The following ANGPT4 variants were observed in gnomAD, a reference collection of about 807,000 sequenced individuals.
ANGPT4 encodes the protein angiopoietin 4.
ANGPT4 carries 50 observed loss-of-function variants against 53.0 expected under a neutral mutation model. That is an observed-to-expected ratio of 0.94 (90% CI 0.75 to 1.20). The LOEUF (loss-of-function observed/expected upper bound fraction) is 1.20, where lower values mean the gene tolerates loss of function less well. Among genes scored for constraint, ANGPT4 ranks in the 50% most tolerant of loss-of-function variants. The pLI is 0.00. For missense variants in ANGPT4, 648 were observed against 637.1 expected, an observed-to-expected ratio of 1.02 and a Z score of -0.18; for synonymous variants, 251 against 259.7, an observed-to-expected ratio of 0.97 and a Z score of 0.32.
Position 873,063 on chromosome 20 carries a change from G to T in ANGPT4, c.1409C>A (p.Pro470His). The T allele has an allele frequency of 6.2e-7, 1 of 1,614,074 alleles. No individual in the cohort carries two copies. The stretch of plus-strand genomic sequence containing the variant: ...GCCGTCCATCTTGTACTTGTTGTCG[G>T]GAGCGTGGTAGTAGACGCCGTTGAG... The part of the protein sequence containing the change: ...SNLNGVYYHA[P>H]DNKYKMDGIR... Residue 470 changes from proline to histidine, a missense_variant, in exon 9 of 9, where the codon CCC becomes CAC. Coordinates refer to ENST00000381922, the MANE Select transcript of ANGPT4 (RefSeq NM_015985.4).
intron 3 of ANGPT4, among the ~76,000 whole-genome samples, chr20:885,783 T>A (rs1981596473): frequency 6.6e-6 from 1 of 152,156 alleles, no homozygotes; most frequent in Non-Finnish European, 1.5e-5. Context: ...TGTTCCGCAG[T>A]CATGAAGGAG....
At chr20:878,781 T>G (rs1203478857) in intron 6 of ANGPT4, among the ~76,000 whole-genome samples, 3 of 152,146 alleles carry the variant, frequency 2.0e-5, no homozygotes, top group Non-Finnish European at 4.4e-5. Flanking sequence ...TCAACAAAAA[T>G]TAAATAAAAT....
intron 1 of ANGPT4, among the ~76,000 whole-genome samples, chr20:892,884 C>A (rs1282424728): frequency 6.6e-6 from 1 of 152,332 alleles, no homozygotes; most frequent in South Asian, 2.1e-4. Flanking sequence ...CTTGACACTG[C>A]CCTCAAGGGA....
chr20:874,543 C>T, intron 7 of ANGPT4, 129 bp from the exon 8 acceptor site: 2 of 1,308,196 alleles, frequency 1.5e-6, no homozygotes, highest in Non-Finnish European at 2.1e-6. Context: ...GGAGGGACAG[C>T]CCCAGCCTGG....
intron 7 of ANGPT4, 145 bp downstream of exon 7, chr20:878,016 A>C: frequency 1.1e-6 from 1 of 898,416 alleles, no homozygotes; most frequent in Middle Eastern, 3.8e-4. Context: ...CATGACGTGC[A>C]CCCAAATGGG....
chr20:891,713 C>T (rs1353859172), intron 1 of ANGPT4, among the ~76,000 whole-genome samples: 1 of 152,226 alleles, frequency 6.6e-6, no homozygotes, highest in African/African-American at 2.4e-5. Flanking sequence ...CCTCCTTCAT[C>T]TCTTCTCCCT....
chr20:890,258 G>C lies in ANGPT4; in HGVS notation c.420C>G (p.Asn140Lys), dbSNP rs1260531356. 2.5e-6 allele frequency: 4 copies of C among 1,614,024 alleles called. No homozygotes were observed. The highest frequency in any genetic ancestry group is 3.4e-6 in the Non-Finnish European group (4 of 1,180,000). ...GCTTGCGGATCTGGGCAGTGGTCTG[G>C]TTCAGGAGGCTGGTGCCCAGCTCTA... ...PMLELGTSLL[N>K]QTTAQIRKLT... Residue 140 changes from asparagine to lysine, a missense_variant, in exon 2 of 9, where the codon AAC (asparagine) becomes AAG (lysine). Coordinates refer to ENST00000381922, the MANE Select transcript of ANGPT4 (RefSeq NM_015985.4).
At chr20:877,971 G>C (rs976744715) in intron 7 of ANGPT4, among the ~76,000 whole-genome samples, 190 bp downstream of exon 7, 1 of 152,240 alleles carries the variant, frequency 6.6e-6, no homozygotes, top group African/African-American at 2.4e-5. Flanking sequence ...CAGTGGCTAG[G>C]ACATGCTGAG....
chr20:879,351 T>C (rs6055519), intron 6 of ANGPT4, among the ~76,000 whole-genome samples: 21 of 152,286 alleles, frequency 1.4e-4, no homozygotes, highest in African/African-American at 4.8e-4. Flanking sequence ...GGCCTGCAAT[T>C]CCTCGTTAAT....
Position 880,972 on chromosome 20 carries a change from G to A in ANGPT4, c.951+199C>T, listed in dbSNP as rs1485680444. On this transcript the variant is annotated intron_variant, in intron 5 of 8. Coordinates refer to ENST00000381922, the MANE Select transcript of ANGPT4 (RefSeq NM_015985.4). ...GCACCTCTGAAGTGATGCTGGTTAA[G>A]GATGCACTTCCAACTTTGGGAACTT... 2.6e-5 allele frequency among the ~76,000 whole-genome samples: 4 copies of A among 152,256 alleles called. No individual in the cohort carries two copies. The East Asian group carries it at 7.7e-4, about 29-fold the overall frequency.
intron 1 of ANGPT4, among the ~76,000 whole-genome samples, chr20:899,808 A>T (rs573646507): frequency 6.6e-6 from 1 of 152,260 alleles, no homozygotes; most frequent in East Asian, 1.9e-4. Context: ...TGCATCCTTC[A>T]TCCCAGCCTC....
Position 899,525 on chromosome 20 carries a change from T to C in ANGPT4, c.310-9157A>G, listed in dbSNP as rs373042639. Among the ~76,000 whole-genome samples, 8 of 152,188 alleles carry C rather than the reference T, an allele frequency of 5.3e-5. No individual in the cohort carries two copies. In the East Asian group the frequency reaches 9.7e-4, roughly 18 times the overall value. On this transcript the variant is annotated intron_variant, in intron 1 of 8. Coordinates refer to ENST00000381922, the MANE Select transcript of ANGPT4 (RefSeq NM_015985.4). Reference sequence around the variant, plus strand: ...GCCTCGGCCTCCCAAAGTGCTGGGATTACAGGCATGAACCACCGCCCCCGG... The same window carrying C: ...GCCTCGGCCTCCCAAAGTGCTGGGACTACAGGCATGAACCACCGCCCCCGG...
intron 7 of ANGPT4, among the ~76,000 whole-genome samples, chr20:877,296 T>C (rs1206328697): frequency 6.6e-6 from 1 of 152,136 alleles, no homozygotes; most frequent in Non-Finnish European, 1.5e-5. Context: ...ACACGTGAGA[T>C]TTTTTGCAGC....
At position 915,995 on chromosome 20, in the gene ANGPT4, C is replaced by A. The variant is rs760234079; in HGVS notation, c.220G>T (p.Ala74Ser). The A allele has an allele frequency of 4.3e-6, 7 of 1,613,482 alleles. No homozygotes were observed. In the South Asian group the frequency reaches 6.6e-5, roughly 15 times the overall value. The change falls in exon 1 of 9, where the codon GCC (alanine) becomes TCC (serine). Residue 74 changes from alanine (A) to serine (S), a missense_variant. Transcript: ENST00000381922. Reference protein sequence around the residue: ...DSNTLQRESLANPLHLGKLPT... With the variant: ...DSNTLQRESLSNPLHLGKLPT... Reference sequence around the variant, plus strand: ...AACTTCCCCAGGTGCAGTGGGTTGGCCAGTGATTCTCTCTGGAGGGTGTTG... The same window carrying A: ...AACTTCCCCAGGTGCAGTGGGTTGGACAGTGATTCTCTCTGGAGGGTGTTG...
At chr20:899,548 C>T (rs192275579) in intron 1 of ANGPT4, among the ~76,000 whole-genome samples, 57 of 152,230 alleles carry the variant, frequency 3.7e-4, no homozygotes, top group African/African-American at 9.1e-4. Context: ...CCACCGCCCC[C>T]GGCCTGGGAC....
rs1296874595 is a variant in ANGPT4 at position 888,702 on chromosome 20, A to C, written c.466-263T>G. On this transcript the variant is annotated intron_variant, in intron 2 of 8. Transcript: ENST00000381922. ...AGGAGCTGTCAACCCTGTCCCCCACATCCAACTCATCTGCAGGTCCTGTCA... is the reference window on the plus strand; with the variant it reads ...AGGAGCTGTCAACCCTGTCCCCCACCTCCAACTCATCTGCAGGTCCTGTCA... Among the ~76,000 whole-genome samples, 3 of 152,090 alleles carry C rather than the reference A, an allele frequency of 2.0e-5. No homozygotes were observed. The East Asian group carries it at 5.8e-4, about 29-fold the overall frequency.
At chr20:903,506 C>T (rs1982364292) in intron 1 of ANGPT4, among the ~76,000 whole-genome samples, 1 of 152,214 alleles carries the variant, frequency 6.6e-6, no homozygotes, top group Non-Finnish European at 1.5e-5. Context: ...ATGCTCCACA[C>T]ATAGCCAGTG....
Position 890,999 on chromosome 20 carries a change from G to T in ANGPT4, c.310-631C>A, listed in dbSNP as rs1484122753. ...TCACTATCTCTCTTTTTATCTGTCT[G>T]TTGTCTGTTTCTCTCTCTAGAATGT... On this transcript the variant is annotated intron_variant, in intron 1 of 8. Transcript: ENST00000381922. Among the ~76,000 whole-genome samples the T allele has an allele frequency of 2.6e-5, 4 of 152,310 alleles. No individual in the cohort carries two copies. The East Asian group carries it at 7.7e-4, about 29-fold the overall frequency.
At chr20:897,427 C>A (rs1253091319) in intron 1 of ANGPT4, among the ~76,000 whole-genome samples, 6 of 152,340 alleles carry the variant, frequency 3.9e-5, no homozygotes, top group African/African-American at 1.4e-4. Context: ...TTCAATCTCC[C>A]TGTCCTTCCA....
Sources: gnomAD v4.1 joint callset for allele counts (sites outside exome capture counted in the v4.1 genomes callset) on GRCh38, gnomAD v4.1.1 for gene constraint, MANE v1.5 for transcripts, NCBI Gene and HGNC (gene_info 2026-07-23, HGNC 2026-07-21) for gene names.